AP3D1: variants seen among roughly 807,000 people sequenced by gnomAD.
AP3D1 encodes the protein adaptor related protein complex 3 subunit delta 1, also known as AP-3 complex subunit delta-1.
A neutral mutation model predicts 147.6 loss-of-function variants in AP3D1; 51 were observed. That is an observed-to-expected ratio of 0.35 (90% CI 0.28 to 0.44). The LOEUF (loss-of-function observed/expected upper bound fraction) is 0.44, where lower values mean the gene tolerates loss of function less well. Ranked by LOEUF, AP3D1 falls within the 20% of genes least tolerant of loss-of-function variation. The pLI, the probability that AP3D1 is intolerant of heterozygous loss-of-function variation, is 1.00. For synonymous variants in AP3D1, 760 were observed against 663.0 expected (o/e 1.15, Z -2.25); for missense variants, 1,421 against 1,624.2 (o/e 0.87, Z 2.15).
intron 9 of AP3D1, among the ~76,000 whole-genome samples, chr19:2,126,250 C>A (rs182599468): frequency 3.9e-4 from 59 of 149,380 alleles, no homozygotes; most frequent in Middle Eastern, 3.4e-3. Flanking sequence ...CCCAATGCCC[C>A]GTGAGGCTTT....
intron 8 of AP3D1, among the ~76,000 whole-genome samples, chr19:2,127,988 C>T (rs770532734): frequency 5.3e-5 from 8 of 152,208 alleles, no homozygotes; most frequent in African/African-American, 1.2e-4. Flanking sequence ...TCCGTGTGCG[C>T]GTATGCTACA....
At chr19:2,151,977 C>A (rs1393760490), upstream of AP3D1, among the ~76,000 whole-genome samples, 2 of 152,230 alleles carry the variant, frequency 1.3e-5, no homozygotes, top group Non-Finnish European at 2.9e-5. Context: ...CTGAGAGCCT[C>A]CAAACCCAAC....
intron 9 of AP3D1, among the ~76,000 whole-genome samples, chr19:2,126,123 C>CT (rs888389158): frequency 1.3e-5 from 2 of 149,386 alleles, no homozygotes; most frequent in Non-Finnish European, 2.9e-5. Flanking sequence ...GGGTCTCACT[C>CT]TGTCTGCAGC....
In AP3D1 at chr19:2,111,952, C is replaced by G; in HGVS notation, c.2788-124G>C. On this transcript the variant is annotated intron_variant, in intron 24 of 31. Coordinates refer to ENST00000643116, the MANE Select transcript of AP3D1 (RefSeq NM_001261826.3). ...GGTCCCACGTGCCTGGGTGGGATGGCAGGACCAGCCACGCCTCAGGCCTAC... is the reference window on the plus strand; with the variant it reads ...GGTCCCACGTGCCTGGGTGGGATGGGAGGACCAGCCACGCCTCAGGCCTAC... 3 of 1,468,676 alleles carry G rather than the reference C, an allele frequency of 2.0e-6. No homozygotes were observed. In the South Asian group the frequency reaches 3.7e-5, roughly 18 times the overall value. 91.0% of individuals were successfully genotyped at this position (1,468,676 alleles called of 1,614,324 possible).
At chr19:2,141,436 C>CTTTTTTT (rs571171291) in intron 1 of AP3D1, among the ~76,000 whole-genome samples, 1 of 130,502 alleles carries the variant, frequency 7.7e-6, no homozygotes, top group Non-Finnish European at 1.7e-5. Flanking sequence ...CCCTGGGGTA[C>CTTTTTTT]TTTTTTTTTT....
intron 3 of AP3D1, 26 bp downstream of exon 3, chr19:2,137,701 C>A: frequency 1.2e-6 from 2 of 1,608,696 alleles, no homozygotes; most frequent in Non-Finnish European, 8.5e-7. Context: ...CCCCACCCCA[C>A]CAGCCTTGCC....
At chr19:2,126,005 G>A (rs1381051515) in intron 9 of AP3D1, among the ~76,000 whole-genome samples, 1 of 152,144 alleles carries the variant, frequency 6.6e-6, no homozygotes, top group African/African-American at 2.4e-5. Context: ...AAAATTACCT[G>A]GGTGGGGTGG....
chr19:2,159,752 G>A (rs2019680583), intron 1 of AP3D1, among the ~76,000 whole-genome samples: 1 of 150,878 alleles, frequency 6.6e-6, no homozygotes, highest in African/African-American at 2.4e-5. Flanking sequence ...CCAGGCTGGA[G>A]TGCAGTGGCG....
At position 2,159,155 on chromosome 19, in the gene AP3D1, A is replaced by G. The variant is rs529767850; in HGVS notation, c.-103+5201T>C. 4.6e-4 allele frequency among the ~76,000 whole-genome samples: 69 copies of G among 151,346 alleles called. 1 individual carries two copies. Among genetic ancestry groups the G allele is most frequent in the African/African-American group, 1.6e-3 (66 of 41,176 alleles). ...CAGGCACACACCACCAGGCCAGGCT[A>G]ATTTTTTTATTTTTAGTAGAGACGG... is the stretch of plus-strand genomic sequence containing the variant. On this transcript the variant is annotated intron_variant, in intron 1 of 14. Transcript: ENST00000643010.
upstream of AP3D1, among the ~76,000 whole-genome samples, chr19:2,154,057 C>T (rs1484157563): frequency 2.0e-5 from 3 of 151,844 alleles, no homozygotes; most frequent in African/African-American, 4.8e-5. Flanking sequence ...AAGCAATTCT[C>T]CTGCCTCAGC....
At position 2,138,610 on chromosome 19, in the gene AP3D1, G is replaced by A. The variant is rs1168869366; in HGVS notation, c.192+9C>T. The A allele has an allele frequency of 4.3e-6, 7 of 1,611,952 alleles. No individual in the cohort carries two copies. The highest frequency in any genetic ancestry group is 4.5e-5 in the East Asian group (2 of 44,882). Reference sequence around the variant, plus strand: ...CAGTGCTGGGCGCTGGCCACTGGGAGGCACTTACATACGTCAGCTTGCAGA... The same window carrying A: ...CAGTGCTGGGCGCTGGCCACTGGGAAGCACTTACATACGTCAGCTTGCAGA... On this transcript the variant is annotated intron_variant, in intron 2 of 31. Coordinates refer to ENST00000643116, the MANE Select transcript of AP3D1 (RefSeq NM_001261826.3).
chr19:2,110,288 C>T, intron 27 of AP3D1, 64 bp from the exon 28 acceptor site: 2 of 1,395,440 alleles, frequency 1.4e-6, no homozygotes, highest in Non-Finnish European at 2.0e-6. Flanking sequence ...GTGGGGCCTC[C>T]AGGTCTGTCC....
Position 2,118,790 on chromosome 19 carries a change from C to T in AP3D1, c.1524G>A (p.Arg508=). ...GGCCTGGCAGCGTGGTGACTCTGGG[C>T]CGCAGCATGGCCTCCAAAGTGTGGT... ...EPHHTLEAML[R]PRVTTLPGHI... Residue 508 remains arginine, a synonymous_variant, in exon 15 of 32, where the codon CGG becomes CGA. Coordinates refer to ENST00000643116, the MANE Select transcript of AP3D1 (RefSeq NM_001261826.3). 4 of 1,613,762 alleles carry T rather than the reference C, an allele frequency of 2.5e-6. No individual in the cohort carries two copies. Among genetic ancestry groups the T allele is most frequent in the Non-Finnish European group, 3.4e-6 (4 of 1,180,018 alleles).
chr19:2,146,528 C>A (rs1156312306), intron 1 of AP3D1, among the ~76,000 whole-genome samples: 1 of 149,480 alleles, frequency 6.7e-6, no homozygotes, highest in African/African-American at 2.5e-5. Context: ...CACTTGAACC[C>A]AGGAGGCAGA....
rs1227590040 is a variant in AP3D1, at chr19:2,132,564, G to T, written c.369C>A (p.Pro123=). The change falls in exon 5 of 32, where the codon CCC becomes CCA. Residue 123 remains proline, a synonymous_variant. Coordinates refer to ENST00000643116, the MANE Select transcript of AP3D1 (RefSeq NM_001261826.3). ...GTGCAACACCTGTGTCGTACTGGCT[G>T]GGGCTGCTCAAGTCCTGGAAAGTGA... ...TNQIRKDLSS[P]SQYDTGVALT... 6.2e-7 allele frequency: 1 copy of T among 1,604,970 alleles called. No individual in the cohort carries two copies. The highest frequency in any genetic ancestry group is 1.7e-5 in the Admixed American group (1 of 59,894).
At chr19:2,130,320 G>A (rs1278537795) in intron 6 of AP3D1, 88 bp downstream of exon 6, 2 of 1,572,418 alleles carry the variant, frequency 1.3e-6, no homozygotes, top group Non-Finnish European at 1.7e-6. Flanking sequence ...ACTCCCCGCA[G>A]CACCCCCCAA....
chr19:2,139,900 G>A (rs1046484409), intron 1 of AP3D1, among the ~76,000 whole-genome samples: 7 of 148,660 alleles, frequency 4.7e-5, no homozygotes, highest in Non-Finnish European at 1.0e-4. Context: ...TGTCACCCAG[G>A]ACCACACCCC....
At chr19:2,124,815 C>T (rs894936607) in intron 9 of AP3D1, among the ~76,000 whole-genome samples, 7 of 152,172 alleles carry the variant, frequency 4.6e-5, no homozygotes, top group African/African-American at 1.7e-4. Flanking sequence ...TGGAGCATGT[C>T]TGTAACCCCA....
chr19:2,115,001 C>T (rs2018399866), intron 20 of AP3D1, among the ~76,000 whole-genome samples, 180 bp from the exon 21 acceptor site: 1 of 152,228 alleles, frequency 6.6e-6, no homozygotes, highest in South Asian at 2.1e-4. Context: ...CCCCAGGACG[C>T]AGCCAACCTG....
Sources: allele counts gnomAD v4.1 joint callset (sites outside exome capture counted in the v4.1 genomes callset), GRCh38; gene constraint gnomAD v4.1.1; transcripts MANE v1.5; gene names NCBI Gene and HGNC (gene_info 2026-07-23, HGNC 2026-07-21).